Variants in PTPRG observed in about 807,000 individuals in gnomAD.
PTPRG encodes protein tyrosine phosphatase receptor type G.
Under a neutral mutation model 165.3 loss-of-function variants are expected in PTPRG, and 102 were observed. The ratio of observed to expected loss-of-function variants is 0.62; its 90% CI spans 0.53 to 0.73. The LOEUF is 0.73. Ranked by LOEUF, PTPRG falls within the 30% of genes least tolerant of loss-of-function variation. PTPRG has a pLI of 0.00. For synonymous variants in PTPRG, 675 were observed against 669.5 expected, an observed-to-expected ratio of 1.01 and a Z score of -0.13; for missense variants, 1,866 against 1,861.4, an observed-to-expected ratio of 1.00 and a Z score of -0.05.
rs1260263393 is a variant in PTPRG, at chr3:62,273,510, C to T, written c.3319-188C>T. On this transcript the variant is annotated intron_variant, in intron 22 of 29. Transcript: ENST00000474889. This position sits in a 1 kb window ranked among gnomAD's most constrained non-coding sequence, Gnocchi z 4.1. The stretch of plus-strand genomic sequence containing the variant: ...ATAGAATACAGAGCTAAACTTAACA[C>T]AGTCTCTACCGTAAAATAAGTTAAG... Among the ~76,000 whole-genome samples, 2 of 152,176 alleles carry T rather than the reference C, an allele frequency of 1.3e-5. No homozygotes were observed. Among genetic ancestry groups the T allele is most frequent in the African/African-American group, 4.8e-5 (2 of 41,450 alleles).
chr3:61,681,054 TAAAA>T (rs61198100), intron 1 of PTPRG, among the ~76,000 whole-genome samples: 22 of 66,102 alleles, frequency 3.3e-4, no homozygotes, highest in African/African-American at 8.2e-4. Context: ...CTTTATGTTC[TAAAA>T]AAAAAAAAAA....
At chr3:62,177,484 G>A (rs1025799159) in intron 8 of PTPRG, among the ~76,000 whole-genome samples, 1 of 152,212 alleles carries the variant, frequency 6.6e-6, no homozygotes, top group African/African-American at 2.4e-5. Context: ...GATCATTGGA[G>A]AACGTATTTC....
At chr3:62,045,457 C>T (rs1217286977) in intron 4 of PTPRG, among the ~76,000 whole-genome samples, 1 of 152,178 alleles carries the variant, frequency 6.6e-6, no homozygotes, top group African/African-American at 2.4e-5. Flanking sequence ...CCTCGCTGTA[C>T]ATTTTTTCCC....
In PTPRG at chr3:62,292,576, G is replaced by T; in HGVS notation, c.4191+20G>T. 1.2e-6 allele frequency: 2 copies of T among 1,610,728 alleles called. No homozygotes were observed. Among genetic ancestry groups the T allele is most frequent in the Non-Finnish European group, 1.7e-6 (2 of 1,178,240 alleles). ...GACATTGTAAGTAGTTTGCTTATGT[G>T]TAAAACCTGTACTACATCAGTTGAA... On this transcript the variant is annotated intron_variant, in intron 29 of 29. Transcript: ENST00000474889.
intron 2 of PTPRG, among the ~76,000 whole-genome samples, chr3:61,891,559 G>A (rs1238525991): frequency 1.3e-5 from 2 of 152,206 alleles, no homozygotes; most frequent in African/African-American, 4.8e-5. Context: ...ATCACCTAAT[G>A]ATGGTGAACG....
intron 2 of PTPRG, among the ~76,000 whole-genome samples, chr3:61,817,045 A>AATAT (rs1384521866): frequency 2.3e-5 from 3 of 131,348 alleles, no homozygotes; most frequent in Non-Finnish European, 4.7e-5. Flanking sequence ...TATAATATAT[A>AATAT]ATATTATATA....
At chr3:62,008,029 A>G (rs889443623) in intron 4 of PTPRG, among the ~76,000 whole-genome samples, 16 of 152,232 alleles carry the variant, frequency 1.1e-4, no homozygotes, top group African/African-American at 3.6e-4. Context: ...GACCTGTTTC[A>G]GTTCTTCTGT....
rs945959748 is a variant in PTPRG, at chr3:61,940,397, A to G, written c.191-49228A>G. Among the ~76,000 whole-genome samples, 4 of 152,362 alleles carry G rather than the reference A, an allele frequency of 2.6e-5. No homozygotes were observed. The South Asian group carries it at 8.3e-4, about 32-fold the overall frequency. On this transcript the variant is annotated intron_variant, in intron 2 of 29. Transcript: ENST00000474889. ...TGCTGGCAGAGGTCATGCATGAATGAATGAAACTTGAGAAATGCTGGACTT... is the reference window on the plus strand; with the variant it reads ...TGCTGGCAGAGGTCATGCATGAATGGATGAAACTTGAGAAATGCTGGACTT...
chr3:62,139,726 CTT>C (rs1348578933), intron 6 of PTPRG, among the ~76,000 whole-genome samples: 4 of 152,224 alleles, frequency 2.6e-5, no homozygotes, highest in Non-Finnish European at 4.4e-5. Flanking sequence ...AGCAGACCAG[CTT>C]TCTCATGTGA....
intron 2 of PTPRG, among the ~76,000 whole-genome samples, chr3:61,901,396 CTTAA>C (rs1205202198): frequency 3.3e-5 from 5 of 152,142 alleles, no homozygotes; most frequent in Admixed American, 1.3e-4. Flanking sequence ...GCTTTCAACT[CTTAA>C]TTAATGTTTC....
chr3:61,579,540 T>C (rs1212010296), intron 1 of PTPRG, among the ~76,000 whole-genome samples: 1 of 152,216 alleles, frequency 6.6e-6, no homozygotes, highest in Non-Finnish European at 1.5e-5. Flanking sequence ...CCTTGCATTT[T>C]CCAGGTGTAA....
intron 2 of PTPRG, among the ~76,000 whole-genome samples, chr3:61,940,695 G>T (rs1165793181): frequency 6.6e-6 from 1 of 150,602 alleles, no homozygotes; most frequent in Admixed American, 6.6e-5. Context: ...ACAGAGTCTC[G>T]CTCTGTTGGC....
At chr3:62,047,919 C>T (rs954499406) in intron 4 of PTPRG, among the ~76,000 whole-genome samples, 5 of 152,146 alleles carry the variant, frequency 3.3e-5, no homozygotes, top group African/African-American at 1.2e-4. Context: ...AGTTATTTAG[C>T]TCCAGTCTGC....
chr3:61,747,820 G>A (rs1016291271), intron 1 of PTPRG, among the ~76,000 whole-genome samples: 1 of 151,796 alleles, frequency 6.6e-6, no homozygotes, highest in Non-Finnish European at 1.5e-5. Flanking sequence ...AAGCAGGCTT[G>A]CTTTTGTTTA....
intron 1 of PTPRG, among the ~76,000 whole-genome samples, chr3:61,672,798 AGG>A (rs1197218097): frequency 7.4e-6 from 1 of 134,720 alleles, no homozygotes; most frequent in African/African-American, 2.9e-5. Context: ...AGAGGGAGAG[AGG>A]GGGAGAGAGA....
chr3:61,699,292 T>A (rs1338105939), intron 1 of PTPRG, among the ~76,000 whole-genome samples: 2 of 152,242 alleles, frequency 1.3e-5, no homozygotes, highest in South Asian at 2.1e-4. Context: ...GGCATTGCTT[T>A]ATACTTTTGC....
At chr3:61,936,684 C>G (rs1337217590) in intron 2 of PTPRG, among the ~76,000 whole-genome samples, 1 of 152,106 alleles carries the variant, frequency 6.6e-6, no homozygotes, top group Admixed American at 6.6e-5. Context: ...AGGGGATCAT[C>G]GCTTTTTAGT....
chr3:61,605,570 TTTG>T (rs1700980488), intron 1 of PTPRG, among the ~76,000 whole-genome samples: 1 of 87,582 alleles, frequency 1.1e-5, no homozygotes, highest in Non-Finnish European at 3.2e-5. Context: ...TTTTTATTTT[TTTG>T]TTTTTTTTAT....
intron 14 of PTPRG, among the ~76,000 whole-genome samples, chr3:62,234,947 A>G (rs1700993801): frequency 6.7e-6 from 1 of 148,834 alleles, no homozygotes; most frequent in Non-Finnish European, 1.5e-5. Flanking sequence ...CCCCCCCCCG[A>G]GATGGTCTCA....
Sources: allele counts gnomAD v4.1 joint callset (sites outside exome capture counted in the v4.1 genomes callset), GRCh38; gene constraint gnomAD v4.1.1; non-coding constraint Gnocchi (gnomAD v3.1); transcripts MANE v1.5; gene names NCBI Gene and HGNC (gene_info 2026-07-23, HGNC 2026-07-21).